Variants in ABCA1 observed in about 807,000 individuals in gnomAD.
ABCA1 encodes phospholipid-transporting ATPase ABCA1.
ABCA1 carries 133 observed loss-of-function variants against 262.5 expected under a neutral mutation model. The ratio of observed to expected loss-of-function variants is 0.51; its 90% confidence interval spans 0.44 to 0.59. The LOEUF is 0.59. Ranked by LOEUF, ABCA1 falls within the 20% of genes least tolerant of loss-of-function variation. ABCA1 has a pLI of 0.00. For missense variants in ABCA1, 2,452 were observed against 2,777.5 expected (o/e 0.88, Z 2.63); for synonymous variants, 1,022 against 1,043.5 (o/e 0.98, Z 0.40).
Position 104,802,139 on chromosome 9 carries a change from C to G in ABCA1, c.4613G>C (p.Gly1538Ala). ...NEFRYGGFSL[G>A]VSNTQALPPS... ...AGGAAGTGCTTGAGTATTACTGACA[C>G]CCAGGGAAAAGCCGCCATACCTAAA... Residue 1538 changes from glycine to alanine, a missense_variant, in exon 34 of 50, where the codon GGT becomes GCT. Gly to Ala is a moderately conservative substitution (Grantham distance 60, BLOSUM62 0). Around this residue, in one of 4 missense-constraint regions of ABCA1, gnomAD observed 752 missense variants for 944.5 expected, o/e 0.80. Coordinates refer to ENST00000374736, the MANE Select transcript of ABCA1 (RefSeq NM_005502.4). 1 of 1,614,126 alleles carries G rather than the reference C, an allele frequency of 6.2e-7. No homozygotes were observed. The highest frequency in any genetic ancestry group is 1.7e-5 in the Admixed American group (1 of 60,014).
chr9:104,900,023 G>C (rs73664373), intron 2 of ABCA1, among the ~76,000 whole-genome samples: 12,750 of 152,142 alleles, frequency 0.084, 580 homozygotes, highest in South Asian at 0.14. Flanking sequence ...AACAGAAACA[G>C]CGGAAAACTA....
At chr9:104,790,884 A>G in intron 44 of ABCA1, 38 bp downstream of exon 44, 1 of 1,361,430 alleles carries the variant, frequency 7.3e-7, no homozygotes, top group Non-Finnish European at 1.1e-6. Context: ...TTAAAAACAA[A>G]GTCTTTGCAG....
intron 43 of ABCA1, among the ~76,000 whole-genome samples, chr9:104,791,448 G>T (rs1829415022): frequency 6.6e-6 from 1 of 152,118 alleles, no homozygotes; most frequent in Admixed American, 6.5e-5. Context: ...TTCTGTTTTT[G>T]TTGTTGACAT....
intron 9 of ABCA1, among the ~76,000 whole-genome samples, chr9:104,837,825 G>C (rs1017529407): frequency 1.1e-4 from 16 of 152,152 alleles, no homozygotes; most frequent in African/African-American, 3.9e-4. Flanking sequence ...TAAATAATCA[G>C]AGCTTATTAT....
intron 8 of ABCA1, among the ~76,000 whole-genome samples, chr9:104,841,362 C>G (rs770896383): frequency 6.6e-6 from 1 of 152,030 alleles, no homozygotes; most frequent in Non-Finnish European, 1.5e-5. Flanking sequence ...ATTGCTTGAA[C>G]CCGGGAGGCA....
chr9:104,922,016 C>A (rs148916664), intron 1 of ABCA1, among the ~76,000 whole-genome samples: 2 of 151,938 alleles, frequency 1.3e-5, no homozygotes, highest in Admixed American at 6.6e-5. Flanking sequence ...GCATTTAAAT[C>A]GGGTCTTAAA....
intron 1 of ABCA1, among the ~76,000 whole-genome samples, chr9:104,919,222 G>A (rs1396936427): frequency 6.6e-6 from 1 of 152,122 alleles, no homozygotes; most frequent in Admixed American, 6.6e-5. Flanking sequence ...TCCTAGGATG[G>A]GTACTAGCAT....
In ABCA1 at chr9:104,802,034, T is replaced by A. The variant is rs1337953801; in HGVS notation, c.4698+20A>T. 1.2e-6 allele frequency: 2 copies of A among 1,611,020 alleles called. No individual in the cohort carries two copies. Among genetic ancestry groups the A allele is most frequent in the African/African-American group, 2.7e-5 (2 of 74,860 alleles). ...GCTACATGCCCATTTTTCTGATACA[T>A]CTTACGATAGATATTTTACCTTGGC... On this transcript the variant is annotated intron_variant, in intron 34 of 49. Coordinates refer to ENST00000374736, the MANE Select transcript of ABCA1 (RefSeq NM_005502.4).
Position 104,786,380 on chromosome 9 carries a change from A to G in ABCA1, c.6319T>C (p.Cys2107Arg), listed in dbSNP as rs765246726. 21 of 1,613,968 alleles carry G rather than the reference A, an allele frequency of 1.3e-5. No homozygotes were observed. Among genetic ancestry groups the G allele is most frequent in the East Asian group, 2.2e-5 (1 of 44,878 alleles). Residue 2107 changes from cysteine (C) to arginine (R), a missense_variant, in exon 48 of 50, where the codon TGT becomes CGT. By Grantham distance (180) the Cys-to-Arg change is radical. Transcript: ENST00000374736. ...VVLTSHSMEE[C>R]EALCTRMAIM... is the part of the protein sequence containing the mutation. ...GCCATCCTAGTGCAAAGAGCTTCACATTCTTCCATACTGCGGTAAAACAGA... is the reference window on the plus strand; with the variant it reads ...GCCATCCTAGTGCAAAGAGCTTCACGTTCTTCCATACTGCGGTAAAACAGA...
At chr9:104,822,779 C>A in intron 18 of ABCA1, 112 bp from the exon 19 acceptor site, 2 of 1,271,404 alleles carry the variant, frequency 1.6e-6, no homozygotes. Flanking sequence ...TCCATGTCCA[C>A]CCTGGTTTCT....
At chr9:104,816,417 C>A (rs964787524) in intron 24 of ABCA1, 72 bp from the exon 25 acceptor site, 9 of 1,448,526 alleles carry the variant, frequency 6.2e-6, no homozygotes, top group Non-Finnish European at 8.7e-6. Context: ...GGCCATCCCC[C>A]ACCCTCTCAT....
rs149918576 is a variant in ABCA1 at position 104,864,639 on chromosome 9, C to T, written c.422-2839G>A. The stretch of plus-strand genomic sequence containing the variant: ...AAACAGAATACACGTATTAGCTAAC[C>T]CTCACTGACTAGGTGGGCCATAGCT... On this transcript the variant is annotated intron_variant, in intron 5 of 49. Coordinates refer to ENST00000374736, the MANE Select transcript of ABCA1 (RefSeq NM_005502.4). Among the ~76,000 whole-genome samples, 338 of 152,176 alleles carry T rather than the reference C, an allele frequency of 2.2e-3. 4 individuals carry two copies. The highest frequency in any genetic ancestry group is 7.4e-3 in the African/African-American group (309 of 41,528).
intron 37 of ABCA1, among the ~76,000 whole-genome samples, 175 bp from the exon 38 acceptor site, chr9:104,796,599 G>T (rs2118877270): frequency 6.6e-6 from 1 of 152,294 alleles, no homozygotes; most frequent in Non-Finnish European, 1.5e-5. Flanking sequence ...ATTTTGACAA[G>T]CATTTTCCCC....
chr9:104,839,885 A>C (rs1783305711), intron 9 of ABCA1, among the ~76,000 whole-genome samples: 2 of 152,246 alleles, frequency 1.3e-5, no homozygotes, highest in South Asian at 4.1e-4. Flanking sequence ...CCAGGAACTT[A>C]TTCATCATGT....
chr9:104,813,122 T>G (rs1301965297), intron 27 of ABCA1, among the ~76,000 whole-genome samples: 2 of 152,238 alleles, frequency 1.3e-5, no homozygotes, highest in African/African-American at 4.8e-5. Flanking sequence ...GCATCTCAGC[T>G]TCTCACCCTA....
intron 5 of ABCA1, among the ~76,000 whole-genome samples, chr9:104,882,307 G>A (rs1000738301): frequency 2.0e-5 from 3 of 152,138 alleles, no homozygotes; most frequent in African/African-American, 7.2e-5. Context: ...GCTTTTATCG[G>A]CTTCATTATT....
intron 32 of ABCA1, among the ~76,000 whole-genome samples, chr9:104,804,263 C>A (rs1426356618): frequency 6.6e-6 from 1 of 152,194 alleles, no homozygotes; most frequent in Non-Finnish European, 1.5e-5. Context: ...TCTATGTACA[C>A]CATTTAATTT....
chr9:104,881,147 TAAAAGAAAAG>T (rs538102467), intron 5 of ABCA1, among the ~76,000 whole-genome samples: 4 of 152,076 alleles, frequency 2.6e-5, no homozygotes, highest in East Asian at 1.9e-4. Flanking sequence ...GGCTCTGTCT[TAAAAGAAAAG>T]AAAAGAAAAG....
At position 104,858,585 on chromosome 9, in the gene ABCA1, C is replaced by T. The variant is rs754164345; in HGVS notation, c.657G>A (p.Arg219=). The change falls in exon 7 of 50, where the codon AGG becomes AGA. Residue 219 remains arginine, a synonymous_variant. Transcript: ENST00000374736. The part of the protein sequence containing the change: ...QEVSELCGLP[R]EKLAAAERVL... The stretch of plus-strand genomic sequence containing the variant: ...CTCGCTCTGCTGCAGCCAGTTTCTC[C>T]CTTGGTAGGCCACAAAGCTCAGAAA... 2 of 1,614,168 alleles carry T rather than the reference C, an allele frequency of 1.2e-6. No homozygotes were observed. The highest frequency in any genetic ancestry group is 2.2e-5 in the South Asian group (2 of 91,080).
Sources: allele counts gnomAD v4.1 joint callset (sites outside exome capture counted in the v4.1 genomes callset), GRCh38; gene constraint gnomAD v4.1.1; regional missense constraint gnomAD v4.1.1; transcripts MANE v1.5; gene names NCBI Gene and HGNC (gene_info 2026-07-23, HGNC 2026-07-21).